DOCK10: variants seen among roughly 807,000 people sequenced by gnomAD.
DOCK10 encodes dedicator of cytokinesis 10.
A neutral mutation model predicts 280.1 loss-of-function variants in DOCK10; 145 were observed. The ratio of observed to expected loss-of-function variants is 0.52; its 90% CI spans 0.45 to 0.59. DOCK10 has a LOEUF of 0.59. Among genes scored for constraint, DOCK10 ranks in the 20% least tolerant of loss-of-function variants. DOCK10 has a pLI of 0.00. For synonymous variants in DOCK10, 915 were observed against 942.2 expected, an observed-to-expected ratio of 0.97 and a Z score of 0.53; for missense variants, 2,368 against 2,651.7, an observed-to-expected ratio of 0.89 and a Z score of 2.35.
At chr2:225,039,525 AC>A (rs35353174) in intron 1 of DOCK10, among the ~76,000 whole-genome samples, 23,419 of 152,082 alleles carry the variant, frequency 0.15, 2,492 homozygotes, top group Non-Finnish European at 0.21. Flanking sequence ...CCTACTACAT[AC>A]AGTGCTTTGG....
At chr2:224,841,681 T>G (rs1338812394) in intron 23 of DOCK10, 123 bp downstream of exon 23, 5 of 582,914 alleles carry the variant, frequency 8.6e-6, no homozygotes, top group Non-Finnish European at 1.2e-5. Context: ...TCTGAATTGA[T>G]AAGGTATTAA....
intron 27 of DOCK10, among the ~76,000 whole-genome samples, chr2:224,828,322 A>G (rs899307801): frequency 6.6e-5 from 10 of 152,214 alleles, no homozygotes; most frequent in Non-Finnish European, 2.9e-5. Context: ...CTTTTTCAGA[A>G]CATGGGATTA....
rs2106156393 is a variant in DOCK10 at position 225,042,412 on chromosome 2, GCC to G, written c.-40_-39del. 8.1e-7 allele frequency: 1 copy of G among 1,227,782 alleles called. No homozygotes were observed. The highest frequency in any genetic ancestry group is 3.3e-5 in the East Asian group (1 of 30,736). The allele number at this position is 1,227,782 out of a possible 1,614,324, so 76.1% of individuals were successfully genotyped here. On this transcript the variant is annotated 5_prime_UTR_variant, in exon 1 of 56. Transcript: ENST00000258390. The surrounding 1 kb of genome is among the most constrained non-coding windows in gnomAD (Gnocchi z 5.1). ...CAATCGCGCCGCGGGCCCGGGGCGC[GCC>G]TCCCGCCGGTCTTCCCCGCGCCAAC...
intron 50 of DOCK10, among the ~76,000 whole-genome samples, chr2:224,784,335 AC>A (rs1691584918): frequency 6.6e-6 from 1 of 152,170 alleles, no homozygotes. Flanking sequence ...CAAAATTCTG[AC>A]CATTCTGGTC....
intron 1 of DOCK10, among the ~76,000 whole-genome samples, chr2:224,959,515 AT>A (rs1704242715): frequency 6.7e-6 from 1 of 148,166 alleles, no homozygotes. Flanking sequence ...CTTTCTCCAC[AT>A]TTAGTCCAGA....
intron 14 of DOCK10, among the ~76,000 whole-genome samples, chr2:224,858,619 A>C (rs2125589671): frequency 6.6e-6 from 1 of 152,340 alleles, no homozygotes; most frequent in Admixed American, 6.5e-5. Flanking sequence ...GTGCCACTGC[A>C]CTTCAGCCTG....
chr2:224,874,566 G>T, intron 9 of DOCK10, 100 bp downstream of exon 9: 5 of 1,208,202 alleles, frequency 4.1e-6, no homozygotes, highest in East Asian at 2.3e-5. Flanking sequence ...TTAGCTTCTT[G>T]GTCTAAATCT....
chr2:224,807,105 A>T (rs1331989722), intron 33 of DOCK10: 1 of 152,170 alleles, frequency 6.6e-6, no homozygotes, highest in Non-Finnish European at 1.5e-5. Flanking sequence ...TGGGATTTGA[A>T]AAAGGTAAAA....
chr2:224,948,023 T>C (rs1350318644), intron 1 of DOCK10, among the ~76,000 whole-genome samples: 4 of 152,236 alleles, frequency 2.6e-5, no homozygotes, highest in Admixed American at 2.0e-4. Flanking sequence ...ATAAAAGCCA[T>C]ATAATTGATA....
intron 27 of DOCK10, among the ~76,000 whole-genome samples, chr2:224,827,636 G>C (rs902526881): frequency 6.6e-6 from 1 of 152,176 alleles, no homozygotes; most frequent in Non-Finnish European, 1.5e-5. Context: ...TAGTGACAGA[G>C]CAGGAATTGC....
intron 28 of DOCK10, among the ~76,000 whole-genome samples, chr2:224,821,653 C>T (rs899193632): frequency 6.6e-6 from 1 of 151,932 alleles, no homozygotes; most frequent in Admixed American, 6.6e-5. Flanking sequence ...GGTCTTTTCC[C>T]TTTTTTAGAG....
Position 224,770,473 on chromosome 2 carries a change from G to C in DOCK10, c.6305+72C>G. 2 of 1,571,582 alleles carry C rather than the reference G, an allele frequency of 1.3e-6. No individual in the cohort carries two copies. The highest frequency in any genetic ancestry group is 2.2e-5 in the East Asian group (1 of 44,518). On this transcript the variant is annotated intron_variant, in intron 54 of 55. Transcript: ENST00000258390. This position sits in a 1 kb window ranked among gnomAD's most constrained non-coding sequence, Gnocchi z 4.5. Reference sequence around the variant, plus strand: ...CACCTCAGTGAGTTTTGGTGTGATGGATTCTTGGGGGATTGAGGACTCCCT... The same window carrying C: ...CACCTCAGTGAGTTTTGGTGTGATGCATTCTTGGGGGATTGAGGACTCCCT...
At chr2:224,958,228 T>C (rs1704165559) in intron 1 of DOCK10, among the ~76,000 whole-genome samples, 1 of 152,196 alleles carries the variant, frequency 6.6e-6, no homozygotes, top group Admixed American at 6.5e-5. Flanking sequence ...TATAAAGTAA[T>C]TGTGTTGAGG....
chr2:225,001,601 CT>C (rs1706432367), intron 1 of DOCK10, among the ~76,000 whole-genome samples: 1 of 152,124 alleles, frequency 6.6e-6, no homozygotes. Flanking sequence ...ATACAACAGA[CT>C]TTCTATAATA....
Position 224,770,093 on chromosome 2 carries a change from T to A in DOCK10, c.6444+118A>T. 8.4e-7 allele frequency: 1 copy of A among 1,184,616 alleles called. No individual in the cohort carries two copies. Among genetic ancestry groups the A allele is most frequent in the Non-Finnish European group, 1.1e-6 (1 of 888,132 alleles). 73.4% of individuals were successfully genotyped at this position (1,184,616 alleles called of 1,614,324 possible). On this transcript the variant is annotated intron_variant, in intron 55 of 55. Coordinates refer to ENST00000258390, the MANE Select transcript of DOCK10 (RefSeq NM_014689.3). The surrounding 1 kb of genome is among the most constrained non-coding windows in gnomAD (Gnocchi z 4.5). ...CGGGAGAGAGAACAGATCAGCAACA[T>A]GGTGCTGATGCAGTGATTTCTGCAG...
chr2:224,885,219 C>G (rs925817008), intron 7 of DOCK10, among the ~76,000 whole-genome samples: 24 of 152,176 alleles, frequency 1.6e-4, no homozygotes, highest in Admixed American at 1.3e-3. Flanking sequence ...TAGCTAGTCT[C>G]CAACTCCTGA....
chr2:224,859,967 T>C (rs940320194), intron 14 of DOCK10, among the ~76,000 whole-genome samples: 5 of 152,242 alleles, frequency 3.3e-5, no homozygotes, highest in Non-Finnish European at 7.3e-5. Context: ...TGACATGGTA[T>C]CTTTAGAATT....
chr2:224,831,804 C>G (rs1574901501), intron 26 of DOCK10, among the ~76,000 whole-genome samples: 1 of 152,166 alleles, frequency 6.6e-6, no homozygotes, highest in East Asian at 1.9e-4. Context: ...GGCATCAAGA[C>G]CTGTCCTCTG....
intron 7 of DOCK10, among the ~76,000 whole-genome samples, chr2:224,881,940 G>A (rs1173004334): frequency 6.6e-6 from 1 of 152,122 alleles, no homozygotes; most frequent in African/African-American, 2.4e-5. Context: ...TGCATGCAGG[G>A]GGCTGCTTGA....
Sources: gnomAD v4.1 joint callset for allele counts (sites outside exome capture counted in the v4.1 genomes callset) on GRCh38, gnomAD v4.1.1 for gene constraint, Gnocchi (gnomAD v3.1) non-coding constraint, MANE v1.5 for transcripts, NCBI Gene and HGNC (gene_info 2026-07-23, HGNC 2026-07-21) for gene names.